Variants in SHTN1 observed in about 807,000 individuals in gnomAD.
SHTN1 encodes the protein shootin 1.
A neutral mutation model predicts 83.1 loss-of-function variants in SHTN1; 42 were observed. The observed-to-expected ratio is 0.51, with a 90% CI of 0.39 to 0.65. SHTN1 has a LOEUF of 0.65. Among genes scored for constraint, SHTN1 ranks in the 30% least tolerant of loss-of-function variants. The pLI is 0.00. For synonymous variants in SHTN1, 224 were observed against 247.7 expected, an observed-to-expected ratio of 0.90 and a Z score of 0.90; for missense variants, 622 against 737.8, an observed-to-expected ratio of 0.84 and a Z score of 1.82.
rs758936287 is a variant in SHTN1 at position 116,979,321 on chromosome 10, A to T, written c.59-13T>A. ...TATTCGCCTATTGCTAAAAGAAAAA[A>T]GGAAAGCAACATTACAACACTGTCA... On this transcript the variant is annotated splice_polypyrimidine_tract_variant and intron_variant, in intron 1 of 16. Coordinates refer to ENST00000355371, the MANE Select transcript of SHTN1 (RefSeq NM_001127211.3). 1.2e-6 allele frequency: 2 copies of T among 1,611,804 alleles called. No individual in the cohort carries two copies. Among genetic ancestry groups the T allele is most frequent in the Non-Finnish European group, 1.7e-6 (2 of 1,178,486 alleles).
intron 2 of SHTN1, among the ~76,000 whole-genome samples, chr10:116,971,404 G>C (rs529789640): frequency 2.6e-5 from 4 of 152,096 alleles, no homozygotes; most frequent in Admixed American, 2.6e-4. Context: ...TTTAAAATTC[G>C]AAATAGTAGA....
At chr10:116,915,755 G>A (rs1848361081) in intron 12 of SHTN1, among the ~76,000 whole-genome samples, 1 of 152,166 alleles carries the variant, frequency 6.6e-6, no homozygotes, top group Admixed American at 6.5e-5. Context: ...TGTCAACAAA[G>A]TAGACTTTGT....
intron 2 of SHTN1, among the ~76,000 whole-genome samples, chr10:117,023,162 A>C (rs1159941159): frequency 6.6e-6 from 1 of 152,232 alleles, no homozygotes; most frequent in Non-Finnish European, 1.5e-5. Flanking sequence ...CTTTTGGTCA[A>C]GTTTCTTTAA....
intron 3 of SHTN1, among the ~76,000 whole-genome samples, chr10:116,967,584 CTTTA>C (rs923206596): frequency 6.6e-6 from 1 of 152,190 alleles, no homozygotes; most frequent in Non-Finnish European, 1.5e-5. Flanking sequence ...CTTCTGCCCT[CTTTA>C]TTTACTTATT....
chr10:117,121,664 T>A (rs1853930570), intron 1 of SHTN1, among the ~76,000 whole-genome samples: 2 of 152,146 alleles, frequency 1.3e-5, no homozygotes, highest in South Asian at 4.1e-4. Context: ...AACACCCCCA[T>A]CAGAGGATGT....
rs1847039516 is a variant in SHTN1, at chr10:116,882,290, A to C, written c.*4054T>G. 6.6e-6 allele frequency: 1 copy of C among 152,044 alleles called. No individual in the cohort carries two copies. The highest frequency in any genetic ancestry group is 6.6e-5 in the Admixed American group (1 of 15,260). The allele number at this position is 152,044 out of a possible 1,614,324, so 9.4% of individuals were successfully genotyped here. A position where few individuals can be genotyped will look rare whatever the true frequency, so the allele number is the denominator to read the frequency against. ...GTCTTCTTAGATCCTTTTTGGAGTA[A>C]GAATGAGTATAAATGAATAAGCACA... On this transcript the variant is annotated 3_prime_UTR_variant, in exon 17 of 17. Coordinates refer to ENST00000355371, the MANE Select transcript of SHTN1 (RefSeq NM_001127211.3).
chr10:117,014,894 A>C (rs1226529456), intron 2 of SHTN1, among the ~76,000 whole-genome samples: 1 of 152,230 alleles, frequency 6.6e-6, no homozygotes, highest in Non-Finnish European at 1.5e-5. Context: ...AAAACACCTA[A>C]AGTTTGTGAA....
At chr10:116,992,886 G>A (rs1851489723) in intron 1 of SHTN1, among the ~76,000 whole-genome samples, 1 of 152,008 alleles carries the variant, frequency 6.6e-6, no homozygotes, top group Non-Finnish European at 1.5e-5. Context: ...GGATCCAACT[G>A]TCATTTATAA....
At chr10:116,992,229 TTCTA>T (rs1198462167) in intron 1 of SHTN1, among the ~76,000 whole-genome samples, 1 of 152,200 alleles carries the variant, frequency 6.6e-6, no homozygotes, top group Non-Finnish European at 1.5e-5. Flanking sequence ...ACCTTTTTAT[TTCTA>T]TCTTAGTTGG....
rs146580798 is a variant in SHTN1 at position 117,119,078 on chromosome 10, T to C, written c.-189+7229A>G. On this transcript the variant is annotated intron_variant, in intron 1 of 17. Coordinates refer to the SHTN1 transcript ENST00000392901. ...ATTATGTTAAATGAAACAAGCTAAA[T>C]ACAGAAAGACAAATATCACATGTTC... 4.6e-3 allele frequency among the ~76,000 whole-genome samples: 704 copies of C among 152,224 alleles called. 6 individuals carry two copies. Among genetic ancestry groups the C allele is most frequent in the South Asian group, 0.022 (107 of 4,824 alleles).
intron 1 of SHTN1, among the ~76,000 whole-genome samples, chr10:116,983,381 G>C (rs1193988222): frequency 6.6e-6 from 1 of 152,080 alleles, no homozygotes; most frequent in Non-Finnish European, 1.5e-5. Flanking sequence ...CTGCATGGCA[G>C]ACAGGAAAAA....
chr10:117,120,336 C>T (rs1853904869), intron 1 of SHTN1, among the ~76,000 whole-genome samples: 1 of 151,516 alleles, frequency 6.6e-6, no homozygotes. Context: ...CAACCTCCAC[C>T]TCCTGGGTTC....
At chr10:116,982,498 A>T (rs899248966) in intron 1 of SHTN1, among the ~76,000 whole-genome samples, 8 of 152,328 alleles carry the variant, frequency 5.3e-5, no homozygotes, top group Middle Eastern at 6.8e-3. Context: ...AACTGAAGTG[A>T]TCTATATTAC....
intron 6 of SHTN1, among the ~76,000 whole-genome samples, chr10:116,950,959 T>TA (rs896882164): frequency 1.3e-5 from 2 of 152,106 alleles, no homozygotes; most frequent in African/African-American, 4.8e-5. Flanking sequence ...GGCATGCTCA[T>TA]AAGTCACTTT....
intron 3 of SHTN1, among the ~76,000 whole-genome samples, chr10:116,963,035 G>GTTTTT (rs71013628): frequency 2.2e-5 from 1 of 45,258 alleles, no homozygotes; most frequent in African/African-American, 7.1e-5. Context: ...AATAATAAAA[G>GTTTTT]TTTTTTTTTT....
At chr10:117,005,206 G>C (rs999937918), upstream of SHTN1, 24 of 1,520,088 alleles carry the variant, frequency 1.6e-5, no homozygotes, top group African/African-American at 2.2e-4. Flanking sequence ...ATCCGCTCCC[G>C]CTCCTCCTCC....
chr10:117,105,600 G>C (rs1044956041), intron 1 of SHTN1, among the ~76,000 whole-genome samples: 3 of 152,184 alleles, frequency 2.0e-5, no homozygotes, highest in Non-Finnish European at 2.9e-5. Flanking sequence ...TTTTACAAAC[G>C]TAGTCCAAAG....
intron 6 of SHTN1, among the ~76,000 whole-genome samples, chr10:116,951,658 TG>T (rs1177769787): frequency 6.6e-6 from 1 of 152,224 alleles, no homozygotes; most frequent in East Asian, 1.9e-4. Flanking sequence ...TAGCAAAAAC[TG>T]GGGGAACAAC....
At position 116,940,505 on chromosome 10, in the gene SHTN1, G is replaced by C. The variant is rs1470765026; in HGVS notation, c.819C>G (p.Thr273=). 1.2e-6 allele frequency: 2 copies of C among 1,613,754 alleles called. No homozygotes were observed. The highest frequency in any genetic ancestry group is 2.2e-5 in the East Asian group (1 of 44,878). ...LKALDENAKL[T]QQLEEERIQH... ...GAATTCTCTCTTCTTCAAGTTGCTG[G>C]GTGAGTTTTGCATTTTCGTCTAAAG... is the stretch of plus-strand genomic sequence containing the variant. Residue 273 remains threonine, a synonymous_variant, in exon 9 of 17, where the codon ACC becomes ACG. Transcript: ENST00000355371.
Sources: allele counts gnomAD v4.1 joint callset (sites outside exome capture counted in the v4.1 genomes callset), GRCh38; gene constraint gnomAD v4.1.1; transcripts MANE v1.5; gene names NCBI Gene and HGNC (gene_info 2026-07-23, HGNC 2026-07-21).